Variants in ACBD3 observed in about 807,000 individuals in gnomAD.
ACBD3 encodes the protein acyl-CoA binding domain containing 3.
A neutral mutation model predicts 66.9 loss-of-function variants in ACBD3; 30 were observed. The observed-to-expected ratio is 0.45, with a 90% CI of 0.34 to 0.61. The LOEUF (loss-of-function observed/expected upper bound fraction) is 0.61. Ranked by LOEUF, ACBD3 falls within the 20% of genes least tolerant of loss-of-function variation. ACBD3 has a pLI of 0.02. For missense variants in ACBD3, 544 were observed against 664.5 expected (o/e 0.82, Z 1.99); for synonymous variants, 278 against 259.8 (o/e 1.07, Z -0.68).
intron 2 of ACBD3, among the ~76,000 whole-genome samples, chr1:226,165,385 G>T (rs999513332): frequency 2.6e-5 from 4 of 152,132 alleles, no homozygotes; most frequent in African/African-American, 9.6e-5. Flanking sequence ...TGGCCAGGCT[G>T]GTCTTGAACT....
intron 6 of ACBD3, among the ~76,000 whole-genome samples, chr1:226,152,873 C>T (rs1264883322): frequency 2.0e-5 from 3 of 152,180 alleles, no homozygotes; most frequent in African/African-American, 7.2e-5. Context: ...ATTTTAGAAA[C>T]GAATTTTTTT....
chr1:226,174,275 T>C (rs974350238), intron 1 of ACBD3, among the ~76,000 whole-genome samples: 26 of 152,174 alleles, frequency 1.7e-4, no homozygotes, highest in African/African-American at 6.0e-4. Flanking sequence ...TCATTAATTA[T>C]TAATATTACA....
chr1:226,169,947 C>A (rs928174976), intron 1 of ACBD3, among the ~76,000 whole-genome samples: 1 of 142,974 alleles, frequency 7.0e-6, no homozygotes, highest in African/African-American at 2.6e-5. Flanking sequence ...ATCGCTTGAA[C>A]GAGATGGAGG....
intron 3 of ACBD3, among the ~76,000 whole-genome samples, chr1:226,162,807 T>G (rs1260773136): frequency 6.6e-6 from 1 of 151,976 alleles, no homozygotes; most frequent in East Asian, 1.9e-4. Context: ...TATTTTTTTT[T>G]TTTTTTTGAG....
rs750323420 is a variant in ACBD3, at chr1:226,165,851, ACT to A, written c.428+6_428+7del. On this transcript the variant is annotated splice_donor_region_variant and intron_variant, in intron 2 of 7. Transcript: ENST00000366812. ...CATTAAATTCACTATACAGAAAAAC[ACT>A]GTTACCTCCTGTCATTCCCCAACAC... The A allele has an allele frequency of 3.7e-6, 6 of 1,600,706 alleles. No homozygotes were observed. Among genetic ancestry groups the A allele is most frequent in the Non-Finnish European group, 5.1e-6 (6 of 1,176,666 alleles).
intron 1 of ACBD3, among the ~76,000 whole-genome samples, chr1:226,177,690 C>T (rs1276611598): frequency 1.3e-5 from 2 of 151,880 alleles, no homozygotes. Context: ...CACGTTAGGG[C>T]TTGCAGGAAA....
chr1:226,154,614 T>G, intron 6 of ACBD3, 33 bp downstream of exon 6: 1 of 1,569,574 alleles, frequency 6.4e-7, no homozygotes, highest in Non-Finnish European at 8.6e-7. Flanking sequence ...TTTGGAATTA[T>G]GACATCTGGA....
At chr1:226,174,412 C>T (rs1256709602) in intron 1 of ACBD3, among the ~76,000 whole-genome samples, 1 of 152,126 alleles carries the variant, frequency 6.6e-6, no homozygotes, top group Non-Finnish European at 1.5e-5. Flanking sequence ...TGAACACAGA[C>T]AATTACCTCT....
chr1:226,147,114 T>C (rs1659470361), intron 7 of ACBD3, among the ~76,000 whole-genome samples: 1 of 152,168 alleles, frequency 6.6e-6, no homozygotes, highest in Non-Finnish European at 1.5e-5. Flanking sequence ...ATTGTCTCAA[T>C]CTCCTGACCT....
intron 5 of ACBD3, 38 bp downstream of exon 5, chr1:226,159,146 C>A: frequency 6.3e-7 from 1 of 1,585,420 alleles, no homozygotes; most frequent in Non-Finnish European, 8.6e-7. Flanking sequence ...AAACTAAAAA[C>A]TCTCTCTAAG....
chr1:226,175,149 T>C lies in ACBD3; in HGVS notation c.287-9149A>G, dbSNP rs185920207. 1.7e-4 allele frequency among the ~76,000 whole-genome samples: 25 copies of C among 145,416 alleles called. No homozygotes were observed. In the East Asian group the frequency reaches 4.9e-3, roughly 28 times the overall value. ...AAAAAGAAAGCAATGAATGGAATAA[T>C]GCCTTCAAAATTCCGGAAGGAAATT... On this transcript the variant is annotated intron_variant, in intron 1 of 7. Transcript: ENST00000366812.
chr1:226,179,660 C>A (rs988241607), intron 1 of ACBD3, among the ~76,000 whole-genome samples: 2 of 151,444 alleles, frequency 1.3e-5, no homozygotes, highest in Admixed American at 1.3e-4. Flanking sequence ...AGTTTGGGAC[C>A]AGCCTGACCC....
chr1:226,174,128 A>G (rs981953492), intron 1 of ACBD3, among the ~76,000 whole-genome samples: 1 of 152,144 alleles, frequency 6.6e-6, no homozygotes, highest in African/African-American at 2.4e-5. Flanking sequence ...CAGGAAAATA[A>G]TAAGTACCAC....
intron 1 of ACBD3, among the ~76,000 whole-genome samples, chr1:226,175,805 C>T (rs927981372): frequency 6.6e-6 from 1 of 152,050 alleles, no homozygotes; most frequent in African/African-American, 2.4e-5. Flanking sequence ...TGTTGTAGTC[C>T]AATTTCACCT....
chr1:226,172,607 T>C (rs951217436), intron 1 of ACBD3, among the ~76,000 whole-genome samples: 3 of 152,048 alleles, frequency 2.0e-5, no homozygotes, highest in African/African-American at 7.2e-5. Context: ...TCCAAATTAA[T>C]AATTTTTCTA....
rs1226905999 is a variant in ACBD3 at position 226,154,713 on chromosome 1, T to A, written c.1024A>T (p.Thr342Ser). ...TCCAGTTCTTTTTCGGAGCTGTCAG[T>A]GTGTGTTTTGGCCTGTCCATTAACT... is the stretch of plus-strand genomic sequence containing the variant. ...MSVNGQAKTH[T>S]DSSEKELEPE... The change falls in exon 6 of 8, where the codon ACT becomes TCT. Residue 342 changes from threonine (T) to serine (S), a missense_variant. Coordinates refer to ENST00000366812, the MANE Select transcript of ACBD3 (RefSeq NM_022735.4). The A allele has an allele frequency of 6.2e-7, 1 of 1,613,738 alleles. No individual in the cohort carries two copies. The highest frequency in any genetic ancestry group is 2.2e-5 in the East Asian group (1 of 44,886).
intron 7 of ACBD3, among the ~76,000 whole-genome samples, chr1:226,150,227 TAAAAA>T (rs1157717890): frequency 6.6e-6 from 1 of 150,868 alleles, no homozygotes; most frequent in Non-Finnish European, 1.5e-5. Context: ...CCCACCTAAC[TAAAAA>T]AAAATTTTTT....
At chr1:226,181,716 C>T (rs3008185) in intron 1 of ACBD3, among the ~76,000 whole-genome samples, 152,300 of 152,330 alleles carry the variant, frequency 1, 76,135 homozygotes, top group Non-Finnish European at 1. Flanking sequence ...ACTCTGAAAT[C>T]TTAAATTAAT....
intron 1 of ACBD3, among the ~76,000 whole-genome samples, chr1:226,178,668 G>A (rs1033106146): frequency 6.6e-6 from 1 of 151,650 alleles, no homozygotes. Context: ...GGAGGCAAAG[G>A]AAAGTACCAA....
Sources: allele counts gnomAD v4.1 joint callset (sites outside exome capture counted in the v4.1 genomes callset), GRCh38; gene constraint gnomAD v4.1.1; transcripts MANE v1.5; gene names NCBI Gene and HGNC (gene_info 2026-07-23, HGNC 2026-07-21).